The following SIRPB1 variants were observed in gnomAD, a reference collection of about 807,000 sequenced individuals.
SIRPB1 encodes signal regulatory protein beta 1.
In SIRPB1, 28 loss-of-function variants were observed where a neutral mutation model predicts 34.1. The ratio of observed to expected loss-of-function variants is 0.82; its 90% CI spans 0.61 to 1.12. The LOEUF (loss-of-function observed/expected upper bound fraction) is 1.12. Among genes scored for constraint, SIRPB1 ranks in the 50% most tolerant of loss-of-function variants. The probability of loss-of-function intolerance (pLI) is 0.00; values close to 1 mark genes in which losing one functional copy is unlikely to be tolerated. For missense variants in SIRPB1, 499 were observed against 507.0 expected (o/e 0.98, Z 0.15); for synonymous variants, 211 against 203.8 (o/e 1.04, Z -0.30).
chr20:1,619,042 A>G (rs936767004), intron 1 of SIRPB1, among the ~76,000 whole-genome samples: 1 of 152,140 alleles, frequency 6.6e-6, no homozygotes, highest in African/African-American at 2.4e-5. Flanking sequence ...AGAAGAGGAG[A>G]TGAGGACACA....
In SIRPB1 at chr20:1,619,638, GT is replaced by G. The variant is rs1568714104; in HGVS notation, c.76+230del. 5.3e-5 allele frequency among the ~76,000 whole-genome samples: 8 copies of G among 152,326 alleles called. No homozygotes were observed. The East Asian group carries it at 1.3e-3, about 26-fold the overall frequency. ...TTTTCAATTGAAATATTATCAAAATGTAAGTAATTGTTGTTGTGGTGGTTGA... is the reference window on the plus strand; with the variant it reads ...TTTTCAATTGAAATATTATCAAAATGAAGTAATTGTTGTTGTGGTGGTTGA... On this transcript the variant is annotated intron_variant, in intron 1 of 5. Coordinates refer to ENST00000381605, the MANE Select transcript of SIRPB1 (RefSeq NM_006065.5).
At chr20:1,614,624 T>G (rs533894430) in intron 1 of SIRPB1, among the ~76,000 whole-genome samples, 1 of 152,170 alleles carries the variant, frequency 6.6e-6, no homozygotes, top group African/African-American at 2.4e-5. Context: ...GCTTCCTGCA[T>G]GGCCTGCCCT....
chr20:1,611,373 G>T lies in SIRPB1; in HGVS notation c.76+8496C>A. The T allele has an allele frequency of 2.4e-6, 2 of 842,338 alleles. 1 individual carries two copies. Among genetic ancestry groups the T allele is most frequent in the Non-Finnish European group, 3.1e-6 (2 of 637,082 alleles). The allele number at this position is 842,338 out of a possible 1,614,324, so 52.2% of individuals were successfully genotyped here. A position where few individuals can be genotyped will look rare whatever the true frequency, so the allele number is the denominator to read the frequency against. ...TGTACTCACCACGCACAGACAGCTC[G>T]GTGCCTGCTCCAGACTTAAACTCCA... On this transcript the variant is annotated intron_variant, in intron 1 of 5. Transcript: ENST00000381605.
In SIRPB1 at chr20:1,613,099, C is replaced by T. The variant is rs2091583469; in HGVS notation, c.76+6770G>A. Among the ~76,000 whole-genome samples the T allele has an allele frequency of 2.7e-5, 2 of 73,096 alleles. 1 individual carries two copies. The highest frequency in any genetic ancestry group is 1.1e-3 in the South Asian group (2 of 1,744). The allele number at this position is 73,096 out of a possible 152,430, so 48.0% of individuals were successfully genotyped here. On this transcript the variant is annotated intron_variant, in intron 1 of 5. Coordinates refer to ENST00000381605, the MANE Select transcript of SIRPB1 (RefSeq NM_006065.5). ...GGGAGATGATGGATGTGTCCATTTGCTTAACTTTAATAATCATTTCACTAC... is the reference window on the plus strand; with the variant it reads ...GGGAGATGATGGATGTGTCCATTTGTTTAACTTTAATAATCATTTCACTAC...
At chr20:1,614,946 C>T (rs902267795) in intron 1 of SIRPB1, among the ~76,000 whole-genome samples, 2 of 152,110 alleles carry the variant, frequency 1.3e-5, no homozygotes, top group Admixed American at 6.5e-5. Flanking sequence ...CATCCTGAAG[C>T]GAGGATCCTG....
In SIRPB1 at chr20:1,562,578, T is replaced by C. The variant is rs1345116009; in HGVS notation, c.*2922A>G. Among the ~76,000 whole-genome samples, 1 of 152,152 alleles carries C rather than the reference T, an allele frequency of 6.6e-6. No individual in the cohort carries two copies. Among genetic ancestry groups the C allele is most frequent in the Non-Finnish European group, 1.5e-5 (1 of 68,026 alleles). ...AGTAACATCAGTCCCACAACACAAG[T>C]CTCAAAATTTAGGTGCCATAGTAAA... On this transcript the variant is annotated 3_prime_UTR_variant, in exon 6 of 6. Coordinates refer to ENST00000381605, the MANE Select transcript of SIRPB1 (RefSeq NM_006065.5).
In SIRPB1 at chr20:1,572,001, A is replaced by G. The variant is rs150138053; in HGVS notation, c.470T>C (p.Val157Ala). The G allele has an allele frequency of 5.5e-4, 880 of 1,613,772 alleles. 3 individuals carry two copies. The African/African-American group carries it at 6.1e-3, about 11-fold the overall frequency. Residue 157 changes from valine (V) to alanine (A), a missense_variant, in exon 3 of 6, where the codon GTG becomes GCG. Val to Ala is a moderately conservative substitution (Grantham distance 64). Coordinates refer to ENST00000381605, the MANE Select transcript of SIRPB1 (RefSeq NM_006065.5). ...CACTGTGTGCTCAGGTGTGGCCCTCACCGCAGGGCCCGATACCACGGGGGC... is the reference window on the plus strand; with the variant it reads ...CACTGTGTGCTCAGGTGTGGCCCTCGCCGCAGGGCCCGATACCACGGGGGC... Reference protein sequence around the residue: ...PSAPVVSGPAVRATPEHTVSF... With the variant: ...PSAPVVSGPAARATPEHTVSF...
rs184430548 is a variant in SIRPB1, at chr20:1,615,754, C to T, written c.76+4115G>A. ...GATTATCTCATTTGATGCAAAACAG[C>T]ATTTGAGAAATGTGGACATCTTTTT... On this transcript the variant is annotated intron_variant, in intron 1 of 5. Transcript: ENST00000381605. Among the ~76,000 whole-genome samples, 146 of 152,250 alleles carry T rather than the reference C, an allele frequency of 9.6e-4. 1 individual carries two copies. Among genetic ancestry groups the T allele is most frequent in the South Asian group, 3.5e-3 (17 of 4,822 alleles).
intron 1 of SIRPB1, chr20:1,605,076 G>A: frequency 3.4e-6 from 2 of 585,060 alleles, no homozygotes; most frequent in Non-Finnish European, 2.3e-6. Context: ...AAGGACCATC[G>A]ATAATCAGGA....
At chr20:1,569,377 G>A (rs2091191298) in intron 4 of SIRPB1, among the ~76,000 whole-genome samples, 1 of 152,210 alleles carries the variant, frequency 6.6e-6, no homozygotes, top group Non-Finnish European at 1.5e-5. Context: ...GAAATTTAGT[G>A]ATTTGAACAC....
In SIRPB1 at chr20:1,588,503, G is replaced by T; in HGVS notation, c.77-9809C>A. The T allele has an allele frequency of 3.8e-6, 2 of 529,522 alleles. 1 individual carries two copies. Among genetic ancestry groups the T allele is most frequent in the Non-Finnish European group, 5.0e-6 (2 of 401,136 alleles). 32.8% of individuals were successfully genotyped at this position (529,522 alleles called of 1,614,324 possible). On this transcript the variant is annotated intron_variant, in intron 1 of 5. Transcript: ENST00000381605. ...TGTCTGGAATCCCCAAAGGTCCAGG[G>T]ACAGGATATAGCCCTGCCAGCGGAG...
At chr20:1,580,714 C>A (rs2091389327) in intron 1 of SIRPB1, among the ~76,000 whole-genome samples, 1 of 48,884 alleles carries the variant, frequency 2.0e-5, no homozygotes, top group Admixed American at 1.4e-4. Context: ...TATCAACATA[C>A]ACCTTACTAG....
At chr20:1,572,566 C>T (rs2422617) in intron 2 of SIRPB1, among the ~76,000 whole-genome samples, 39,802 of 149,450 alleles carry the variant, frequency 0.27, 6,824 homozygotes, top group Non-Finnish European at 0.37. Context: ...CCTGGGATGT[C>T]GCCAGGATTC....
At position 1,610,405 on chromosome 20, in the gene SIRPB1, G is replaced by A. The variant is rs1369546384; in HGVS notation, c.76+9464C>T. ...ATGGACAAGGCCCCTGTCATGTCTT[G>A]GCTTCAGTCTCCCATCTGTAAAGGG... On this transcript the variant is annotated intron_variant, in intron 1 of 5. Transcript: ENST00000381605. Among the ~76,000 whole-genome samples the A allele has an allele frequency of 1.5e-4, 11 of 72,474 alleles. 4 individuals are homozygous for A. Among genetic ancestry groups the A allele is most frequent in the Non-Finnish European group, 2.3e-4 (9 of 38,504 alleles). 47.5% of individuals were successfully genotyped at this position (72,474 alleles called of 152,430 possible).
chr20:1,593,619 C>T lies in SIRPB1; in HGVS notation c.77-14925G>A, dbSNP rs2091449078. ...AGATTATGTTGTGAATACATTTGTA[C>T]ATTATTAAAATATATTTCAAGATGT... is the stretch of plus-strand genomic sequence containing the variant. On this transcript the variant is annotated intron_variant, in intron 1 of 5. Transcript: ENST00000381605. Among the ~76,000 whole-genome samples, 2 of 48,372 alleles carry T rather than the reference C, an allele frequency of 4.1e-5. 1 individual carries two copies. Among genetic ancestry groups the T allele is most frequent in the Non-Finnish European group, 7.9e-5 (2 of 25,268 alleles). The allele number at this position is 48,372 out of a possible 152,430, so 31.7% of individuals were successfully genotyped here. A position where few individuals can be genotyped will look rare whatever the true frequency, so the allele number is the denominator to read the frequency against.
Position 1,597,347 on chromosome 20 carries a change from TAA to T in SIRPB1, c.77-18655_77-18654del, listed in dbSNP as rs2091460948. On this transcript the variant is annotated intron_variant, in intron 1 of 5. Coordinates refer to ENST00000381605, the MANE Select transcript of SIRPB1 (RefSeq NM_006065.5). ...AGAATACATGAGGCTGGGTAATTTATAAAGAGAGGTTTATTTGGCTTTTGGTT... is the reference window on the plus strand; with the variant it reads ...AGAATACATGAGGCTGGGTAATTTATAGAGAGGTTTATTTGGCTTTTGGTT... 2 of 48,924 alleles carry T rather than the reference TAA, an allele frequency of 4.1e-5. 1 individual carries two copies. The highest frequency in any genetic ancestry group is 1.5e-3 in the South Asian group (2 of 1,378). The allele number at this position is 48,924 out of a possible 1,614,324, so 3.0% of individuals were successfully genotyped here.
chr20:1,566,606 A>G (rs1488426090), intron 4 of SIRPB1, among the ~76,000 whole-genome samples: 1 of 152,168 alleles, frequency 6.6e-6, no homozygotes, highest in African/African-American at 2.4e-5. Context: ...CTGATGGGGA[A>G]ACTGAGGCCA....
In SIRPB1 at chr20:1,566,258, A is replaced by T. The variant is rs1188240197; in HGVS notation, c.1094T>A (p.Leu365Gln). The change falls in exon 5 of 6, where the codon CTG (leucine) becomes CAG (glutamine). Residue 365 changes from leucine to glutamine, a missense_variant. Leu to Gln is a moderately radical substitution (Grantham distance 113). Coordinates refer to ENST00000381605, the MANE Select transcript of SIRPB1 (RefSeq NM_006065.5). ...HGSDITHEAA[L>Q]APTAPLLVAL... ...TACGAGGAGTGGAGCAGTAGGAGCC[A>T]GCGCTGCTTCTGGAAATCAGGGAAG... The T allele has an allele frequency of 6.2e-7, 1 of 1,602,276 alleles. No individual in the cohort carries two copies. The highest frequency in any genetic ancestry group is 8.5e-7 in the Non-Finnish European group (1 of 1,174,766).
At position 1,588,674 on chromosome 20, in the gene SIRPB1, T is replaced by TG; in HGVS notation, c.77-9981dup. 2 of 572,504 alleles carry TG rather than the reference T, an allele frequency of 3.5e-6. 1 individual carries two copies. Among genetic ancestry groups the TG allele is most frequent in the Non-Finnish European group, 4.6e-6 (2 of 437,468 alleles). The allele number at this position is 572,504 out of a possible 1,614,324, so 35.5% of individuals were successfully genotyped here. A position where few individuals can be genotyped will look rare whatever the true frequency, so the allele number is the denominator to read the frequency against. On this transcript the variant is annotated intron_variant, in intron 1 of 5. Coordinates refer to ENST00000381605, the MANE Select transcript of SIRPB1 (RefSeq NM_006065.5). ...GCCTGCTCTGTTCAAACGTCTGTGG[T>TG]GGGGAGATGTCAGGCTCTGCTCTGA...
Sources: gnomAD v4.1 joint callset for allele counts (sites outside exome capture counted in the v4.1 genomes callset) on GRCh38, gnomAD v4.1.1 for gene constraint, MANE v1.5 for transcripts, NCBI Gene and HGNC (gene_info 2026-07-23, HGNC 2026-07-21) for gene names.